CFHR4: variants seen among roughly 807,000 people sequenced by gnomAD.
CFHR4 encodes the protein complement factor H-related protein 4.
In CFHR4, 64 loss-of-function variants were observed where a neutral mutation model predicts 69.3. That is an observed-to-expected ratio of 0.92 (90% CI 0.76 to 1.14). The LOEUF (loss-of-function observed/expected upper bound fraction) is 1.14, where lower values mean the gene tolerates loss of function less well. CFHR4 is among the 50% of genes most tolerant of loss of function. The pLI is 0.00. For missense variants in CFHR4, 636 were observed against 684.9 expected (o/e 0.93, Z 0.80); for synonymous variants, 244 against 237.0 (o/e 1.03, Z -0.27).
intron 1 of CFHR4, among the ~76,000 whole-genome samples, chr1:196,901,252 T>A (rs1447096554): frequency 6.6e-6 from 1 of 150,684 alleles, no homozygotes; most frequent in Non-Finnish European, 1.5e-5. Context: ...ACATTGGAAG[T>A]TTCAAAAATG....
intron 9 of CFHR4, among the ~76,000 whole-genome samples, chr1:196,916,477 T>C (rs1029078400): frequency 2.0e-5 from 3 of 151,932 alleles, no homozygotes; most frequent in Non-Finnish European, 4.4e-5. Flanking sequence ...TCATATTGAC[T>C]GATGACGCTG....
chr1:196,914,234 T>A (rs1658446277), intron 7 of CFHR4, among the ~76,000 whole-genome samples: 1 of 151,424 alleles, frequency 6.6e-6, no homozygotes, highest in East Asian at 1.9e-4. Flanking sequence ...TTTTCACAAA[T>A]AAAAATAGGT....
intron 3 of CFHR4, 138 bp from the exon 4 acceptor site, chr1:196,906,719 CTGAT>C (rs1303638518): frequency 7.4e-6 from 6 of 807,660 alleles, no homozygotes; most frequent in Non-Finnish European, 1.1e-5. Context: ...AAAAAAAACA[CTGAT>C]TGTCGGACTA....
At chr1:196,918,116 T>G in intron 9 of CFHR4, 94 bp from the exon 10 acceptor site, 4 of 1,269,020 alleles carry the variant, frequency 3.2e-6, no homozygotes, top group Non-Finnish European at 4.3e-6. Flanking sequence ...TATTTTATAA[T>G]TTTATTTTAT....
chr1:196,904,983 T>G (rs1571431660), intron 2 of CFHR4, 125 bp from the exon 3 acceptor site: 1 of 927,118 alleles, frequency 1.1e-6, no homozygotes, highest in East Asian at 3.0e-5. Context: ...CTTCCAGTTT[T>G]GCTGTTTTCA....
rs10494745 is a variant in CFHR4 at position 196,918,327 on chromosome 1, G to C, written c.1658G>C (p.Gly553Ala). The C allele has an allele frequency of 1.9e-6, 3 of 1,610,764 alleles. 1 individual carries two copies. The African/African-American group carries it at 4.0e-5, about 22-fold the overall frequency. The change falls in exon 10 of 10, where the codon GGA becomes GCA. Residue 553 changes from glycine (G) to alanine (A), a missense_variant. Physicochemically the swap from Gly to Ala is moderately conservative, Grantham distance 60. Transcript: ENST00000608469. Reference sequence around the variant, plus strand: ...ACCATTGAATTTATGTGTAAATTGGGATATAATGCGAATACATCAGTTCTA... The same window carrying C: ...ACCATTGAATTTATGTGTAAATTGGCATATAATGCGAATACATCAGTTCTA... ...GDTIEFMCKL[G>A]YNANTSVLSF...
chr1:196,908,636 T>C (rs1490532482), intron 5 of CFHR4, among the ~76,000 whole-genome samples: 1 of 151,300 alleles, frequency 6.6e-6, no homozygotes, highest in Non-Finnish European at 1.5e-5. Context: ...ATTCAAAAAA[T>C]ATGAGCCAAA....
chr1:196,916,624 T>C (rs939609863), intron 9 of CFHR4, among the ~76,000 whole-genome samples: 8 of 151,828 alleles, frequency 5.3e-5, no homozygotes, highest in Non-Finnish European at 1.0e-4. Flanking sequence ...ATTAGTATCC[T>C]CAAATCAAAA....
At chr1:196,917,615 T>G (rs1375166536) in intron 9 of CFHR4, among the ~76,000 whole-genome samples, 1 of 151,244 alleles carries the variant, frequency 6.6e-6, no homozygotes, top group African/African-American at 2.4e-5. Context: ...ATGACAGGGA[T>G]AGATGATGGT....
intron 1 of CFHR4, among the ~76,000 whole-genome samples, chr1:196,891,045 G>A (rs1241190570): frequency 6.6e-6 from 1 of 151,462 alleles, no homozygotes; most frequent in Non-Finnish European, 1.5e-5. Flanking sequence ...GAGGCCAGGA[G>A]TTTGGGACCA....
chr1:196,900,317 ATT>A lies in CFHR4; in HGVS notation c.59-2084_59-2083del, dbSNP rs36051521. On this transcript the variant is annotated intron_variant, in intron 1 of 9. Transcript: ENST00000608469. ...CAGTGCCAATCAGATCATAGGTGGA[ATT>A]TTTTTTTTTTTTTTTTGCTTTAGAG... Among the ~76,000 whole-genome samples, 373 of 133,998 alleles carry A rather than the reference ATT, an allele frequency of 2.8e-3. 6 individuals carry two copies. The highest frequency in any genetic ancestry group is 9.5e-3 in the African/African-American group (339 of 35,542). 87.9% of individuals were successfully genotyped at this position (133,998 alleles called of 152,430 possible). A position where few individuals can be genotyped will look rare whatever the true frequency, so the allele number is the denominator to read the frequency against.
intron 1 of CFHR4, among the ~76,000 whole-genome samples, chr1:196,898,879 T>A (rs1657448177): frequency 6.6e-6 from 1 of 151,446 alleles, no homozygotes; most frequent in East Asian, 1.9e-4. Flanking sequence ...TACCACATTG[T>A]CCCCTCCACA....
At chr1:196,904,575 T>A in intron 2 of CFHR4, among the ~76,000 whole-genome samples, 1 of 151,594 alleles carries the variant, frequency 6.6e-6, no homozygotes, top group East Asian at 1.9e-4. Context: ...CTATCTTGTT[T>A]GTTTTTTCCT....
Position 196,902,427 on chromosome 1 carries a change from C to T in CFHR4, c.68C>T (p.Pro23Leu). 6.2e-7 allele frequency: 1 copy of T among 1,603,764 alleles called. No homozygotes were observed. Among genetic ancestry groups the T allele is most frequent in the Non-Finnish European group, 8.5e-7 (1 of 1,174,406 alleles). ...VSCANGQEVK[P>L]CDFPEIQHGG... ...TGTTTTTTATTACAAGAAGTGAAAC[C>T]TTGTGATTTTCCAGAAATTCAACAT... Residue 23 changes from proline to leucine, a missense_variant, in exon 2 of 10, where the codon CCT (proline) becomes CTT (leucine). This residue lies in a region of CFHR4 where 529 missense variants were observed against 533.2 expected (regional missense o/e 0.99). Transcript: ENST00000608469.
At chr1:196,917,415 A>C (rs1658707306) in intron 9 of CFHR4, among the ~76,000 whole-genome samples, 2 of 151,130 alleles carry the variant, frequency 1.3e-5, no homozygotes, top group African/African-American at 2.5e-5. Flanking sequence ...GTACCCTGGA[A>C]CTTAAAAAAA....
chr1:196,900,317 ATTTT>A (rs36051521), intron 1 of CFHR4, among the ~76,000 whole-genome samples: 2 of 134,026 alleles, frequency 1.5e-5, no homozygotes. Context: ...CATAGGTGGA[ATTTT>A]TTTTTTTTTT....
At chr1:196,898,756 C>T (rs1657442596) in intron 1 of CFHR4, among the ~76,000 whole-genome samples, 1 of 151,464 alleles carries the variant, frequency 6.6e-6, no homozygotes, top group African/African-American at 2.4e-5. Flanking sequence ...TCTCCTGTGT[C>T]GTTGCCAAGG....
At chr1:196,909,782 C>T (rs1023849773) in intron 5 of CFHR4, among the ~76,000 whole-genome samples, 1 of 151,070 alleles carries the variant, frequency 6.6e-6, no homozygotes, top group Non-Finnish European at 1.5e-5. Flanking sequence ...ACACATTTAC[C>T]TATGTAACAA....
intron 1 of CFHR4, among the ~76,000 whole-genome samples, chr1:196,898,423 A>T (rs548286044): frequency 1.3e-5 from 2 of 151,768 alleles, no homozygotes; most frequent in East Asian, 3.9e-4. Context: ...AGTTTTGAGA[A>T]GTCTTTGCTT....
Sources: allele counts gnomAD v4.1 joint callset (sites outside exome capture counted in the v4.1 genomes callset), GRCh38; gene constraint gnomAD v4.1.1; regional missense constraint gnomAD v4.1.1; transcripts MANE v1.5; gene names NCBI Gene and HGNC (gene_info 2026-07-23, HGNC 2026-07-21).